The following CNTNAP4 variants were observed in gnomAD, a reference collection of about 807,000 sequenced individuals.
CNTNAP4 encodes the protein contactin-associated protein-like 4.
Under a neutral mutation model 148.4 loss-of-function variants are expected in CNTNAP4, and 98 were observed. The ratio of observed to expected loss-of-function variants is 0.66; its 90% CI spans 0.56 to 0.78. The LOEUF is 0.78. CNTNAP4 is among the 30% of genes least tolerant of loss of function. CNTNAP4 has a pLI of 0.00. For synonymous variants in CNTNAP4, 730 were observed against 565.1 expected, an observed-to-expected ratio of 1.29 and a Z score of -4.14; for missense variants, 1,935 against 1,565.6, an observed-to-expected ratio of 1.24 and a Z score of -3.98.
chr16:76,395,454 A>T (rs975707420), intron 3 of CNTNAP4, among the ~76,000 whole-genome samples: 1 of 151,756 alleles, frequency 6.6e-6, no homozygotes, highest in East Asian at 1.9e-4. Context: ...TTTAGTAGAG[A>T]TGGGGTTTCA....
At position 76,452,605 on chromosome 16, in the gene CNTNAP4, A is replaced by T; in HGVS notation, c.1169A>T (p.Glu390Val). 1 of 1,613,928 alleles carries T rather than the reference A, an allele frequency of 6.2e-7. No homozygotes were observed. Among genetic ancestry groups the T allele is most frequent in the African/African-American group, 1.3e-5 (1 of 75,020 alleles). Reference protein sequence around the residue: ...YLALPDFSGEEEVSATFQFRT... With the variant: ...YLALPDFSGEVEVSATFQFRT... ...GCACTGCCAGACTTCTCTGGAGAGG[A>T]GGAGGTTTCTGCCACTTTTCAATTT... Residue 390 changes from glutamate (E) to valine (V), a missense_variant, in exon 8 of 24, where the codon GAG becomes GTG. By Grantham distance (121) the Glu-to-Val change is moderately radical. Coordinates refer to ENST00000611870, the MANE Select transcript of CNTNAP4 (RefSeq NM_033401.5).
At chr16:76,551,395 TAAAA>T (rs746520267) in intron 21 of CNTNAP4, among the ~76,000 whole-genome samples, 1 of 140,920 alleles carries the variant, frequency 7.1e-6, no homozygotes, top group Non-Finnish European at 1.5e-5. Flanking sequence ...GAGAGTCTGT[TAAAA>T]AAAAAATATA....
At chr16:76,374,637 T>G (rs1389109910) in intron 3 of CNTNAP4, among the ~76,000 whole-genome samples, 1 of 151,932 alleles carries the variant, frequency 6.6e-6, no homozygotes, top group Non-Finnish European at 1.5e-5. Flanking sequence ...ACATTGAATT[T>G]CCGTGTACAT....
chr16:76,473,858 T>G (rs1437026883), intron 10 of CNTNAP4, among the ~76,000 whole-genome samples: 1 of 3,690 alleles, frequency 2.7e-4, no homozygotes, highest in African/African-American at 3.3e-4. Context: ...TTTGTTTTGT[T>G]TTGTTTTGTT....
intron 7 of CNTNAP4, 24 bp from the exon 8 acceptor site, chr16:76,452,484 C>G: frequency 6.2e-7 from 1 of 1,611,844 alleles, no homozygotes; most frequent in East Asian, 2.2e-5. Context: ...ATTCTGAAAG[C>G]TTTTTCTTTT....
At chr16:76,402,459 G>A (rs969451181) in intron 3 of CNTNAP4, among the ~76,000 whole-genome samples, 15 of 151,062 alleles carry the variant, frequency 9.9e-5, no homozygotes, top group African/African-American at 3.2e-4. Flanking sequence ...AATCTAGCTA[G>A]CAACCTATCT....
At chr16:76,400,052 G>A (rs762094504) in intron 3 of CNTNAP4, among the ~76,000 whole-genome samples, 1 of 152,132 alleles carries the variant, frequency 6.6e-6, no homozygotes, top group African/African-American at 2.4e-5. Flanking sequence ...TTAGTGTATA[G>A]CAATGTGCTT....
intron 1 of CNTNAP4, among the ~76,000 whole-genome samples, chr16:76,295,801 A>G (rs28656893): frequency 6.6e-6 from 1 of 152,076 alleles, no homozygotes; most frequent in Non-Finnish European, 1.5e-5. Context: ...TGTAGCTACT[A>G]TTCTTCTGAA....
intron 2 of CNTNAP4, among the ~76,000 whole-genome samples, chr16:76,352,883 A>C (rs1440041432): frequency 6.6e-6 from 1 of 152,154 alleles, no homozygotes; most frequent in African/African-American, 2.4e-5. Context: ...CCGTATAAAT[A>C]ACAGTCTGCA....
Position 76,409,464 on chromosome 16 carries a change from A to C in CNTNAP4, c.391-17988A>C, listed in dbSNP as rs554654477. ...ATAATTTGAAAATGTTGATCAACCA[A>C]TCTAAACTGCGTTGAAATAGAAACA... On this transcript the variant is annotated intron_variant, in intron 3 of 23. Transcript: ENST00000611870. Among the ~76,000 whole-genome samples, 10 of 152,116 alleles carry C rather than the reference A, an allele frequency of 6.6e-5. No individual in the cohort carries two copies. The South Asian group carries it at 1.0e-3, about 16-fold the overall frequency.
chr16:76,406,081 G>C (rs568270544), intron 3 of CNTNAP4, among the ~76,000 whole-genome samples: 1 of 152,062 alleles, frequency 6.6e-6, no homozygotes, highest in African/African-American at 2.4e-5. Flanking sequence ...AAAATTAGGC[G>C]GGTGTGGTGG....
At chr16:76,368,263 A>G (rs1003678447) in intron 3 of CNTNAP4, among the ~76,000 whole-genome samples, 1 of 152,204 alleles carries the variant, frequency 6.6e-6, no homozygotes, top group East Asian at 1.9e-4. Flanking sequence ...CCCAATAATA[A>G]TGACACAATT....
intron 3 of CNTNAP4, among the ~76,000 whole-genome samples, chr16:76,425,696 A>G (rs2079366380): frequency 6.6e-6 from 1 of 152,212 alleles, no homozygotes; most frequent in African/African-American, 2.4e-5. Flanking sequence ...CAGGGCATGC[A>G]AAGATCTGGG....
At chr16:76,374,310 A>G (rs1176446443) in intron 3 of CNTNAP4, among the ~76,000 whole-genome samples, 1 of 152,192 alleles carries the variant, frequency 6.6e-6, no homozygotes, top group African/African-American at 2.4e-5. Context: ...TCTTCTATTT[A>G]TTTTAGCGAG....
intron 12 of CNTNAP4, among the ~76,000 whole-genome samples, chr16:76,486,612 G>A (rs1239651846): frequency 6.6e-6 from 1 of 152,206 alleles, no homozygotes; most frequent in East Asian, 1.9e-4. Flanking sequence ...CATCTTGGAA[G>A]TTAGAGATAG....
intron 4 of CNTNAP4, 79 bp from the exon 5 acceptor site, chr16:76,447,933 T>G: frequency 9.6e-7 from 1 of 1,041,014 alleles, no homozygotes; most frequent in Non-Finnish European, 1.5e-6. Context: ...CTGCCTTTTC[T>G]CAATATATAA....
intron 1 of CNTNAP4, among the ~76,000 whole-genome samples, chr16:76,300,893 A>G (rs1449067061): frequency 6.6e-6 from 1 of 152,014 alleles, no homozygotes; most frequent in Admixed American, 6.6e-5. Context: ...AGGAAGGGGT[A>G]TCTTTTATTT....
At chr16:76,380,526 C>T (rs1030220420) in intron 3 of CNTNAP4, among the ~76,000 whole-genome samples, 6 of 152,038 alleles carry the variant, frequency 3.9e-5, no homozygotes, top group African/African-American at 1.4e-4. Context: ...CATTTTTCCC[C>T]ATTTTAAAAA....
At chr16:76,495,989 T>C (rs913749686) in intron 14 of CNTNAP4, among the ~76,000 whole-genome samples, 4 of 151,994 alleles carry the variant, frequency 2.6e-5, no homozygotes, top group Non-Finnish European at 5.9e-5. Flanking sequence ...GAAACTAATA[T>C]TTCATTTAGT....
Sources: allele counts gnomAD v4.1 joint callset (sites outside exome capture counted in the v4.1 genomes callset), GRCh38; gene constraint gnomAD v4.1.1; transcripts MANE v1.5; gene names NCBI Gene and HGNC (gene_info 2026-07-23, HGNC 2026-07-21).